The following STPG2 variants were observed in gnomAD, a reference collection of about 807,000 sequenced individuals.
STPG2 encodes the protein sperm-tail PG-rich repeat-containing protein 2.
STPG2 carries 56 observed loss-of-function variants against 54.2 expected under a neutral mutation model. The ratio of observed to expected loss-of-function variants is 1.03; its 90% CI spans 0.83 to 1.29. STPG2 has a LOEUF of 1.29. Among genes scored for constraint, STPG2 ranks in the 50% most tolerant of loss-of-function variants. The pLI, the probability that STPG2 is intolerant of heterozygous loss-of-function variation, is 0.00. For synonymous variants in STPG2, 200 were observed against 181.8 expected (o/e 1.10, Z -0.81); for missense variants, 596 against 544.9 (o/e 1.09, Z -0.93).
At chr4:97,838,128 A>C (rs1728685498) in intron 9 of STPG2, among the ~76,000 whole-genome samples, 1 of 151,588 alleles carries the variant, frequency 6.6e-6, no homozygotes. Flanking sequence ...AACAATACTA[A>C]ATAATTTTAT....
chr4:97,573,955 C>G (rs1732660246), intron 10 of STPG2, among the ~76,000 whole-genome samples: 1 of 151,864 alleles, frequency 6.6e-6, no homozygotes, highest in African/African-American at 2.4e-5. Flanking sequence ...TTTTCCTGGG[C>G]CTTGAAGCAT....
At chr4:97,701,375 G>A (rs550462537) in intron 10 of STPG2, among the ~76,000 whole-genome samples, 55 of 152,242 alleles carry the variant, frequency 3.6e-4, no homozygotes, top group African/African-American at 1.3e-3. Context: ...GGAGGACCAC[G>A]ATGACATATT....
chr4:97,736,236 G>A (rs1724984795), intron 9 of STPG2, among the ~76,000 whole-genome samples: 2 of 152,168 alleles, frequency 1.3e-5, no homozygotes, highest in Admixed American at 1.3e-4. Flanking sequence ...CAGCCAAGAT[G>A]GCCGAATAGG....
intron 9 of STPG2, among the ~76,000 whole-genome samples, chr4:97,829,426 T>C (rs1255919772): frequency 2.0e-5 from 3 of 151,900 alleles, no homozygotes; most frequent in Non-Finnish European, 2.9e-5. Context: ...GAAACCAGCG[T>C]AAAAAGGCTG....
At chr4:97,447,916 G>T (rs191170286) in intron 4 of STPG2, among the ~76,000 whole-genome samples, 103 of 152,242 alleles carry the variant, frequency 6.8e-4, no homozygotes, top group Non-Finnish European at 1.3e-3. Flanking sequence ...CTGACAGCTT[G>T]CACCCTGCAG....
At chr4:97,602,579 A>G (rs1578417581) in intron 10 of STPG2, among the ~76,000 whole-genome samples, 1 of 151,818 alleles carries the variant, frequency 6.6e-6, no homozygotes, top group African/African-American at 2.4e-5. Context: ...ACTCTTAATT[A>G]CATTAACAAA....
At chr4:97,863,278 C>T (rs994465771) in intron 8 of STPG2, among the ~76,000 whole-genome samples, 2 of 152,028 alleles carry the variant, frequency 1.3e-5, no homozygotes, top group South Asian at 2.1e-4. Context: ...ACCACCGATC[C>T]CACAGAAATA....
At chr4:97,634,486 C>T (rs1024952495) in intron 10 of STPG2, among the ~76,000 whole-genome samples, 2 of 152,158 alleles carry the variant, frequency 1.3e-5, no homozygotes, top group African/African-American at 4.8e-5. Flanking sequence ...CAAAGCTGGA[C>T]AGAGAATGAC....
chr4:97,757,311 G>A (rs933310729), intron 9 of STPG2, among the ~76,000 whole-genome samples: 2 of 151,922 alleles, frequency 1.3e-5, no homozygotes, highest in African/African-American at 4.8e-5. Context: ...ATTAGATCAC[G>A]AGCAGCTCTT....
chr4:97,804,959 C>T (rs1578580276), intron 9 of STPG2, among the ~76,000 whole-genome samples: 1 of 152,186 alleles, frequency 6.6e-6, no homozygotes, highest in South Asian at 2.1e-4. Flanking sequence ...AAGCTATATA[C>T]CATCTAGGTT....
chr4:97,690,291 C>T (rs775887589), intron 10 of STPG2, among the ~76,000 whole-genome samples: 9 of 151,618 alleles, frequency 5.9e-5, no homozygotes, highest in African/African-American at 7.3e-5. Context: ...CTATCATATC[C>T]GAGTCAATTA....
intron 10 of STPG2, among the ~76,000 whole-genome samples, chr4:97,651,649 ATTT>A (rs1722070808): frequency 6.6e-6 from 1 of 152,028 alleles, no homozygotes; most frequent in Non-Finnish European, 1.5e-5. Flanking sequence ...ACAAAAGCAC[ATTT>A]TCCCCTCTTT....
At chr4:97,509,412 A>C (rs1342663712) in intron 4 of STPG2, among the ~76,000 whole-genome samples, 1 of 152,122 alleles carries the variant, frequency 6.6e-6, no homozygotes, top group Non-Finnish European at 1.5e-5. Context: ...GGTTCACAAA[A>C]ATCTTACAAG....
At chr4:97,600,279 T>G (rs1733424128) in intron 10 of STPG2, among the ~76,000 whole-genome samples, 1 of 152,182 alleles carries the variant, frequency 6.6e-6, no homozygotes, top group African/African-American at 2.4e-5. Flanking sequence ...AAAAAGAATT[T>G]AATTCAATGC....
chr4:97,935,631 A>C (rs539262409), intron 8 of STPG2, among the ~76,000 whole-genome samples: 1 of 151,904 alleles, frequency 6.6e-6, no homozygotes, highest in Non-Finnish European at 1.5e-5. Flanking sequence ...CCTTAATTTC[A>C]TTATTTACCC....
intron 10 of STPG2, among the ~76,000 whole-genome samples, chr4:97,659,738 A>G (rs1406460699): frequency 6.6e-6 from 1 of 152,222 alleles, no homozygotes; most frequent in Non-Finnish European, 1.5e-5. Flanking sequence ...GAGATTGGAC[A>G]TAACTCCCTT....
chr4:97,954,602 T>C (rs569633240), intron 7 of STPG2, among the ~76,000 whole-genome samples: 1 of 152,344 alleles, frequency 6.6e-6, no homozygotes, highest in African/African-American at 2.4e-5. Context: ...ATCAGGCTCA[T>C]GTTTGATATC....
intron 9 of STPG2, among the ~76,000 whole-genome samples, chr4:97,790,174 G>C (rs1052425630): frequency 1.0e-5 from 1 of 97,706 alleles, no homozygotes; most frequent in Admixed American, 8.6e-5. Context: ...ATTACATCTG[G>C]AACAACGGCA....
At chr4:97,759,137 C>A (rs1338802608) in intron 9 of STPG2, among the ~76,000 whole-genome samples, 1 of 152,026 alleles carries the variant, frequency 6.6e-6, no homozygotes, top group Non-Finnish European at 1.5e-5. Flanking sequence ...TTTATAGAGG[C>A]AGGCAAACAA....
Sources: gnomAD v4.1 joint callset for allele counts (sites outside exome capture counted in the v4.1 genomes callset) on GRCh38, gnomAD v4.1.1 for gene constraint, MANE v1.5 for transcripts, NCBI Gene and HGNC (gene_info 2026-07-23, HGNC 2026-07-21) for gene names.